Variants in CNTNAP2 observed in about 807,000 individuals in gnomAD.
The protein encoded by CNTNAP2 is contactin-associated protein-like 2.
CNTNAP2 carries 98 observed loss-of-function variants against 155.2 expected under a neutral mutation model. The ratio of observed to expected loss-of-function variants is 0.63; its 90% CI spans 0.54 to 0.75. The LOEUF is 0.75. Among genes scored for constraint, CNTNAP2 ranks in the 30% least tolerant of loss-of-function variants. The pLI is 0.00. For missense variants in CNTNAP2, 1,727 were observed against 1,688.1 expected, an observed-to-expected ratio of 1.02 and a Z score of -0.40; for synonymous variants, 651 against 631.2, an observed-to-expected ratio of 1.03 and a Z score of -0.47.
chr7:146,712,088 CT>C (rs1426828901), intron 1 of CNTNAP2, among the ~76,000 whole-genome samples: 7 of 118,272 alleles, frequency 5.9e-5, no homozygotes, highest in East Asian at 2.7e-4. Flanking sequence ...CTTATGTATA[CT>C]ATATAGTATA....
intron 1 of CNTNAP2, among the ~76,000 whole-genome samples, chr7:146,275,103 T>C (rs1305645160): frequency 6.6e-6 from 1 of 152,186 alleles, no homozygotes; most frequent in Non-Finnish European, 1.5e-5. Context: ...TAATACGCAC[T>C]ATGCATTTGG....
At position 147,420,922 on chromosome 7, in the gene CNTNAP2, G is replaced by A. The variant is rs866185122; in HGVS notation, c.1670+25142G>A. Among the ~76,000 whole-genome samples, 5 of 152,078 alleles carry A rather than the reference G, an allele frequency of 3.3e-5. No individual in the cohort carries two copies. The South Asian group carries it at 8.3e-4, about 25-fold the overall frequency. On this transcript the variant is annotated intron_variant, in intron 10 of 23. Transcript: ENST00000361727. ...ATACAAAATTTTTGACAAAGAAGGAGGTTAAGGAGTGTTTTCTTTTTGATG... is the reference window on the plus strand; with the variant it reads ...ATACAAAATTTTTGACAAAGAAGGAAGTTAAGGAGTGTTTTCTTTTTGATG...
At chr7:146,585,044 G>A (rs999728093) in intron 1 of CNTNAP2, among the ~76,000 whole-genome samples, 2 of 152,140 alleles carry the variant, frequency 1.3e-5, no homozygotes, top group East Asian at 1.9e-4. Context: ...CAGTTCATGC[G>A]TTGAATCACA....
At chr7:146,594,859 T>A (rs978758956) in intron 1 of CNTNAP2, among the ~76,000 whole-genome samples, 16 of 152,104 alleles carry the variant, frequency 1.1e-4, no homozygotes, top group Non-Finnish European at 1.8e-4. Flanking sequence ...GTTTGCTGAT[T>A]TTTATGATAT....
intron 21 of CNTNAP2, among the ~76,000 whole-genome samples, chr7:148,311,957 A>G (rs1262037430): frequency 2.0e-5 from 3 of 152,186 alleles, no homozygotes; most frequent in Non-Finnish European, 2.9e-5. Flanking sequence ...AACAATGGTA[A>G]TTGTGGGAGA....
Position 147,235,098 on chromosome 7 carries a change from A to G in CNTNAP2, c.1349-65043A>G, listed in dbSNP as rs542197092. Among the ~76,000 whole-genome samples, 8 of 152,242 alleles carry G rather than the reference A, an allele frequency of 5.3e-5. No individual in the cohort carries two copies. In the South Asian group the frequency reaches 1.7e-3, roughly 32 times the overall value. On this transcript the variant is annotated intron_variant, in intron 8 of 23. Transcript: ENST00000361727. The stretch of plus-strand genomic sequence containing the variant: ...CCCCATTGTGGAAGAGCCTCATCCA[A>G]TCAGTTGAAGGCCTGATTAGAACAA...
chr7:146,680,800 G>A (rs1416199897), intron 1 of CNTNAP2, among the ~76,000 whole-genome samples: 1 of 152,168 alleles, frequency 6.6e-6, no homozygotes, highest in African/African-American at 2.4e-5. Context: ...GGACATACTA[G>A]AAAGAAACAT....
rs1489628533 is a variant in CNTNAP2 at position 148,365,938 on chromosome 7, ATGTATACATGCG to A, written c.3476-17705_3476-17694del. 2.8e-3 allele frequency among the ~76,000 whole-genome samples: 12 copies of A among 4,224 alleles called. 5 individuals are homozygous for A. The highest frequency in any genetic ancestry group is 4.3e-3 in the African/African-American group (12 of 2,812). The allele number at this position is 4,224 out of a possible 152,430, so 2.8% of individuals were successfully genotyped here. A position where few individuals can be genotyped will look rare whatever the true frequency, so the allele number is the denominator to read the frequency against. On this transcript the variant is annotated intron_variant, in intron 21 of 23. Coordinates refer to ENST00000361727, the MANE Select transcript of CNTNAP2 (RefSeq NM_014141.6). ...TATGCATGTATACATGCGTGTATGC[ATGTATACATGCG>A]TGTATGCATGTATACATGTGTGTAT...
chr7:147,723,614 GA>G (rs929953138), intron 13 of CNTNAP2, among the ~76,000 whole-genome samples: 1 of 151,080 alleles, frequency 6.6e-6, no homozygotes, highest in East Asian at 1.9e-4. Flanking sequence ...GCTTATACGT[GA>G]AAAAAAGATC....
At chr7:146,395,969 G>GGAT (rs1795620670) in intron 1 of CNTNAP2, among the ~76,000 whole-genome samples, 1 of 151,562 alleles carries the variant, frequency 6.6e-6, no homozygotes, top group African/African-American at 2.4e-5. Flanking sequence ...GTAAATTGGA[G>GGAT]ATTATCACTT....
At chr7:146,570,527 A>T (rs1479535876) in intron 1 of CNTNAP2, among the ~76,000 whole-genome samples, 1 of 152,190 alleles carries the variant, frequency 6.6e-6, no homozygotes, top group East Asian at 1.9e-4. Context: ...TGACATCTAA[A>T]AATTGAAGCA....
chr7:148,064,039 T>G (rs1803208021), intron 15 of CNTNAP2, among the ~76,000 whole-genome samples: 1 of 152,166 alleles, frequency 6.6e-6, no homozygotes. Context: ...CAGTTGGCTG[T>G]AAGTATTTGA....
At chr7:146,447,561 A>T (rs1390437701) in intron 1 of CNTNAP2, among the ~76,000 whole-genome samples, 1 of 152,072 alleles carries the variant, frequency 6.6e-6, no homozygotes, top group East Asian at 1.9e-4. Context: ...CTTTGACATT[A>T]CATAAACCAA....
chr7:147,464,410 T>C (rs1446615971), intron 10 of CNTNAP2, among the ~76,000 whole-genome samples: 1 of 134,654 alleles, frequency 7.4e-6, no homozygotes, highest in Non-Finnish European at 1.5e-5. Context: ...GAGGTTACAG[T>C]GGGCCAAGAT....
chr7:148,349,465 T>G (rs1031082700), intron 21 of CNTNAP2, among the ~76,000 whole-genome samples: 1 of 149,158 alleles, frequency 6.7e-6, no homozygotes, highest in African/African-American at 2.5e-5. Context: ...GCAGTGGCGC[T>G]ATCTCGGCTC....
chr7:147,312,128 T>C (rs1451736519), intron 9 of CNTNAP2, among the ~76,000 whole-genome samples: 1 of 152,130 alleles, frequency 6.6e-6, no homozygotes, highest in African/African-American at 2.4e-5. Flanking sequence ...ATAGAGCTTT[T>C]GCTGAACTCA....
intron 13 of CNTNAP2, among the ~76,000 whole-genome samples, chr7:147,856,002 C>T (rs774972591): frequency 6.6e-6 from 1 of 152,178 alleles, no homozygotes. Flanking sequence ...CCTCTCCTGA[C>T]TCAATAAAGA....
intron 13 of CNTNAP2, among the ~76,000 whole-genome samples, chr7:147,683,426 C>T (rs969810875): frequency 3.3e-5 from 5 of 151,684 alleles, no homozygotes; most frequent in Admixed American, 1.3e-4. Context: ...GTTTTGTGGG[C>T]ATTTATAGCA....
intron 1 of CNTNAP2, among the ~76,000 whole-genome samples, chr7:146,362,282 G>A (rs978773381): frequency 4.6e-5 from 7 of 152,052 alleles, no homozygotes; most frequent in Non-Finnish European, 4.4e-5. Context: ...ACATTCTAAC[G>A]AGAAAAACGA....
Sources: gnomAD v4.1 joint callset for allele counts (sites outside exome capture counted in the v4.1 genomes callset) on GRCh38, gnomAD v4.1.1 for gene constraint, MANE v1.5 for transcripts, NCBI Gene and HGNC (gene_info 2026-07-23, HGNC 2026-07-21) for gene names.